The following SLC22A3 variants were observed in gnomAD, a reference collection of about 807,000 sequenced individuals.
SLC22A3 encodes the protein EMT organic cation transporter 3.
In SLC22A3, 51 loss-of-function variants were observed where a neutral mutation model predicts 59.1. The observed-to-expected ratio is 0.86, with a 90% CI of 0.69 to 1.09. The LOEUF is 1.09. Among genes scored for constraint, SLC22A3 ranks in the 50% least tolerant of loss-of-function variants. The pLI is 0.00. For missense variants in SLC22A3, 711 were observed against 726.3 expected, an observed-to-expected ratio of 0.98 and a Z score of 0.24; for synonymous variants, 325 against 292.0, an observed-to-expected ratio of 1.11 and a Z score of -1.15.
chr6:160,423,631 T>C (rs1787839252), intron 5 of SLC22A3, among the ~76,000 whole-genome samples: 1 of 152,226 alleles, frequency 6.6e-6, no homozygotes. Context: ...ATGTCTTCTT[T>C]TGAGAAGTGT....
In SLC22A3 at chr6:160,417,614, T is replaced by A. The variant is rs141463285; in HGVS notation, c.975+6768T>A. Among the ~76,000 whole-genome samples, 688 of 152,298 alleles carry A rather than the reference T, an allele frequency of 4.5e-3. 4 individuals carry two copies. Among genetic ancestry groups the A allele is most frequent in the South Asian group, 0.024 (114 of 4,820 alleles). On this transcript the variant is annotated intron_variant, in intron 5 of 10. Coordinates refer to ENST00000275300, the MANE Select transcript of SLC22A3 (RefSeq NM_021977.4). ...CACATTTTCCCTCATTTCCAAGGGA[T>A]GGAAATACTTCCTGGGTCTATAAAT...
intron 1 of SLC22A3, among the ~76,000 whole-genome samples, chr6:160,358,568 G>C (rs113588977): frequency 6.9e-4 from 105 of 152,312 alleles, no homozygotes; most frequent in African/African-American, 2.3e-3. Flanking sequence ...CAGGGTAGAG[G>C]TCGGAGCTAC....
rs781070686 is a variant in SLC22A3, at chr6:160,443,645, G to A, written c.1413G>A (p.Ser471=). 9 of 1,613,410 alleles carry A rather than the reference G, an allele frequency of 5.6e-6. No homozygotes were observed. The highest frequency in any genetic ancestry group is 1.7e-5 in the Admixed American group (1 of 60,030). The change falls in exon 9 of 11, where the codon TCG becomes TCA. Residue 471 remains serine, a synonymous_variant. Coordinates refer to ENST00000275300, the MANE Select transcript of SLC22A3 (RefSeq NM_021977.4). ...YPTTLRNFGV[S]LCSGLCDFGG... Reference sequence around the variant, plus strand: ...CATTCAACAGAAATTTCGGAGTTTCGCTCTGTTCAGGTCTGTGTGATTTTG... The same window carrying A: ...CATTCAACAGAAATTTCGGAGTTTCACTCTGTTCAGGTCTGTGTGATTTTG...
chr6:160,370,049 C>T (rs1043841217), intron 1 of SLC22A3, among the ~76,000 whole-genome samples: 2 of 152,182 alleles, frequency 1.3e-5, no homozygotes, highest in African/African-American at 2.4e-5. Context: ...GTAGCTTGGG[C>T]TTCCTCCTAG....
At chr6:160,401,097 A>T (rs1215058525) in intron 2 of SLC22A3, among the ~76,000 whole-genome samples, 1 of 151,858 alleles carries the variant, frequency 6.6e-6, no homozygotes, top group Non-Finnish European at 1.5e-5. Flanking sequence ...TATGTGTAAT[A>T]GGAATACCAA....
intron 5 of SLC22A3, among the ~76,000 whole-genome samples, chr6:160,430,578 C>G (rs1788114033): frequency 6.6e-6 from 1 of 152,108 alleles, no homozygotes; most frequent in South Asian, 2.1e-4. Flanking sequence ...ATGGAAAACA[C>G]AGTCTTGGCA....
chr6:160,351,100 A>T (rs1784644450), intron 1 of SLC22A3, among the ~76,000 whole-genome samples: 1 of 151,748 alleles, frequency 6.6e-6, no homozygotes, highest in South Asian at 2.1e-4. Context: ...TATTGGAGAG[A>T]TTCTTTTTTG....
rs144900285 is a variant in SLC22A3 at position 160,388,671 on chromosome 6, G to T, written c.430-9308G>T. Reference sequence around the variant, plus strand: ...TTGTGAGTCCAGTCCCCATTAAGTTGCCTGTCTACATTGTGCTTCTGAATT... The same window carrying T: ...TTGTGAGTCCAGTCCCCATTAAGTTTCCTGTCTACATTGTGCTTCTGAATT... On this transcript the variant is annotated intron_variant, in intron 1 of 10. Transcript: ENST00000275300. Among the ~76,000 whole-genome samples the T allele has an allele frequency of 4.6e-3, 707 of 152,246 alleles. 3 individuals carry two copies. Among genetic ancestry groups the T allele is most frequent in the African/African-American group, 0.016 (682 of 41,534 alleles).
At chr6:160,431,744 AT>A (rs1432266942) in intron 5 of SLC22A3, among the ~76,000 whole-genome samples, 2 of 152,114 alleles carry the variant, frequency 1.3e-5, no homozygotes, top group African/African-American at 4.8e-5. Context: ...CTAAAAAAAA[AT>A]TGCCTAAAAT....
chr6:160,348,558 G>T lies in SLC22A3; in HGVS notation c.139G>T (p.Asp47Tyr). The T allele has an allele frequency of 1.3e-6, 2 of 1,548,050 alleles. No individual in the cohort carries two copies. The highest frequency in any genetic ancestry group is 1.7e-6 in the Non-Finnish European group (2 of 1,156,910). The change falls in exon 1 of 11, where the codon GAC becomes TAC. Residue 47 changes from aspartate (D) to tyrosine (Y), a missense_variant. By Grantham distance (160) the Asp-to-Tyr change is radical (BLOSUM62 -3). Coordinates refer to ENST00000275300, the MANE Select transcript of SLC22A3 (RefSeq NM_021977.4). ...CGTGGTCTTCCTGGGCACGCAGCCC[G>T]ACCACTACTGGTGCCGCGGGCCAAG... is the stretch of plus-strand genomic sequence containing the variant. ...VGVVFLGTQP[D>Y]HYWCRGPSAA...
At chr6:160,391,949 A>G (rs1191394042) in intron 1 of SLC22A3, among the ~76,000 whole-genome samples, 1 of 152,208 alleles carries the variant, frequency 6.6e-6, no homozygotes, top group Non-Finnish European at 1.5e-5. Flanking sequence ...TGCCTAACCT[A>G]CAGTAAAGCC....
intron 1 of SLC22A3, among the ~76,000 whole-genome samples, chr6:160,395,518 G>A (rs1786436488): frequency 6.6e-6 from 1 of 152,156 alleles, no homozygotes; most frequent in Admixed American, 6.5e-5. Flanking sequence ...TTTGCTTTCT[G>A]AAATTCTATG....
intron 1 of SLC22A3, among the ~76,000 whole-genome samples, chr6:160,387,144 C>T (rs1786053565): frequency 6.6e-6 from 1 of 152,228 alleles, no homozygotes; most frequent in Admixed American, 6.5e-5. Context: ...GCCCGAGCAC[C>T]CACATAGCAA....
chr6:160,382,902 TAAC>T (rs1184789313), intron 1 of SLC22A3, among the ~76,000 whole-genome samples: 2 of 152,076 alleles, frequency 1.3e-5, no homozygotes, highest in African/African-American at 4.8e-5. Context: ...ATAATTGAAA[TAAC>T]AAACTTGCTA....
chr6:160,350,457 A>G (rs1784622111), intron 1 of SLC22A3, among the ~76,000 whole-genome samples: 1 of 152,150 alleles, frequency 6.6e-6, no homozygotes, highest in Non-Finnish European at 1.5e-5. Context: ...CACAGTTGAA[A>G]GGACAGGGCA....
intron 10 of SLC22A3, among the ~76,000 whole-genome samples, chr6:160,448,607 A>G (rs1374593129): frequency 1.3e-5 from 2 of 152,292 alleles, no homozygotes; most frequent in East Asian, 3.9e-4. Context: ...AATAGGGTAT[A>G]AGTAAAACTA....
chr6:160,413,665 A>C (rs1448339214), intron 5 of SLC22A3, among the ~76,000 whole-genome samples: 2 of 152,366 alleles, frequency 1.3e-5, no homozygotes, highest in East Asian at 3.9e-4. Flanking sequence ...CTTAAAATTC[A>C]ATACAAGTAA....
chr6:160,441,782 G>A (rs1788553273), intron 7 of SLC22A3, among the ~76,000 whole-genome samples: 2 of 152,108 alleles, frequency 1.3e-5, no homozygotes, highest in African/African-American at 4.8e-5. Flanking sequence ...ATGAACATAT[G>A]TGTTGGATAT....
chr6:160,423,651 T>C (rs1472889127), intron 5 of SLC22A3, among the ~76,000 whole-genome samples: 1 of 152,344 alleles, frequency 6.6e-6, no homozygotes, highest in East Asian at 1.9e-4. Context: ...TCTGTTCATA[T>C]CCTTCACCCA....
Sources: allele counts gnomAD v4.1 joint callset (sites outside exome capture counted in the v4.1 genomes callset), GRCh38; gene constraint gnomAD v4.1.1; transcripts MANE v1.5; gene names NCBI Gene and HGNC (gene_info 2026-07-23, HGNC 2026-07-21).